Variants in QTMAN observed in about 807,000 individuals in gnomAD.
QTMAN encodes tRNA-queuosine alpha-mannosyltransferase.
At chr2:144,120,403 A>C in the QTMAN span, among the ~76,000 whole-genome samples, 1 of 152,208 alleles carries the variant, frequency 6.6e-6, no homozygotes, top group South Asian at 2.1e-4. Flanking sequence ...GGAAAGAACA[A>C]AAGATTTGGG....
the QTMAN span, among the ~76,000 whole-genome samples, chr2:143,988,780 G>T: frequency 1.3e-5 from 2 of 152,192 alleles, no homozygotes; most frequent in Non-Finnish European, 2.9e-5. Context: ...CACTGGGGAG[G>T]CCAACCTCCT....
chr2:144,101,476 T>C, the QTMAN span, among the ~76,000 whole-genome samples: 3 of 152,272 alleles, frequency 2.0e-5, no homozygotes, highest in Admixed American at 1.3e-4. Context: ...AATGATATGC[T>C]TACCCCACGC....
chr2:144,050,919 G>C, the QTMAN span, among the ~76,000 whole-genome samples: 1 of 152,136 alleles, frequency 6.6e-6, no homozygotes, highest in Non-Finnish European at 1.5e-5. Flanking sequence ...TTGATCTGTA[G>C]TTGGTTGAAT....
At chr2:143,950,251 T>C in the QTMAN span, among the ~76,000 whole-genome samples, 10 of 151,880 alleles carry the variant, frequency 6.6e-5, no homozygotes, top group South Asian at 4.1e-4. Context: ...ATTTAAGATA[T>C]AGGTTATCAT....
the QTMAN span, among the ~76,000 whole-genome samples, chr2:144,141,359 G>A: frequency 4.0e-5 from 6 of 151,352 alleles, no homozygotes; most frequent in African/African-American, 1.5e-4. Flanking sequence ...AAGAGAAATG[G>A]CAATTAGGTA....
the QTMAN span, among the ~76,000 whole-genome samples, chr2:144,141,441 TA>T: frequency 6.7e-6 from 1 of 149,616 alleles, no homozygotes; most frequent in African/African-American, 2.4e-5. Context: ...AAAGAAAAAA[TA>T]AAAGAAAATA....
the QTMAN span, among the ~76,000 whole-genome samples, chr2:144,224,828 A>G: frequency 6.6e-6 from 1 of 152,238 alleles, no homozygotes; most frequent in Non-Finnish European, 1.5e-5. Context: ...TAAAAATTAA[A>G]GTAACTGTTT....
the QTMAN span, among the ~76,000 whole-genome samples, chr2:144,274,752 T>C: frequency 2.6e-5 from 4 of 152,174 alleles, no homozygotes; most frequent in East Asian, 7.7e-4. Context: ...CCAGGAAACA[T>C]AAGTGTTTCC....
chr2:144,052,041 T>C, the QTMAN span, among the ~76,000 whole-genome samples: 1 of 152,244 alleles, frequency 6.6e-6, no homozygotes, highest in Non-Finnish European at 1.5e-5. Context: ...GTGTTCTTAC[T>C]GCCCCAAATG....
At chr2:144,112,285 A>G in the QTMAN span, among the ~76,000 whole-genome samples, 3 of 152,206 alleles carry the variant, frequency 2.0e-5, no homozygotes, top group African/African-American at 7.2e-5. Flanking sequence ...TTCTCCCACT[A>G]AGTAACAACG....
chr2:144,154,835 A>G, the QTMAN span, among the ~76,000 whole-genome samples: 1 of 152,230 alleles, frequency 6.6e-6, no homozygotes, highest in Non-Finnish European at 1.5e-5. Context: ...TCTGGATTTT[A>G]AAGTTCCATT....
At chr2:144,199,766 C>T in the QTMAN span, among the ~76,000 whole-genome samples, 1 of 152,210 alleles carries the variant, frequency 6.6e-6, no homozygotes, top group Non-Finnish European at 1.5e-5. Flanking sequence ...TTCCTTAAAT[C>T]TTGATCTTGA....
At chr2:144,071,853 C>T in the QTMAN span, among the ~76,000 whole-genome samples, 2 of 152,094 alleles carry the variant, frequency 1.3e-5, no homozygotes, top group African/African-American at 4.8e-5. Context: ...CTTTTTCAGA[C>T]ATATCACACT....
the QTMAN span, among the ~76,000 whole-genome samples, chr2:143,997,876 AC>A: frequency 1.1e-4 from 17 of 152,002 alleles, no homozygotes; most frequent in Non-Finnish European, 2.2e-4. Context: ...CCCAGTAATG[AC>A]CTAGTTCTCC....
At chr2:144,150,452 G>A in the QTMAN span, among the ~76,000 whole-genome samples, 3 of 152,098 alleles carry the variant, frequency 2.0e-5, no homozygotes, top group African/African-American at 7.2e-5. Flanking sequence ...TCGAGCACTT[G>A]AAATGTAGCT....
the QTMAN span, among the ~76,000 whole-genome samples, chr2:144,269,332 G>A: frequency 1.3e-5 from 2 of 152,184 alleles, no homozygotes; most frequent in African/African-American, 4.8e-5. Context: ...GTCCTAGGAT[G>A]TTGCTTGATG....
chr2:143,947,275 C>T, the QTMAN span: 1 of 648,900 alleles, frequency 1.5e-6, no homozygotes, highest in Non-Finnish European at 2.7e-6. Flanking sequence ...GTAAATGGTT[C>T]TTGAGTTTCA....
At chr2:144,237,055 C>G in the QTMAN span, among the ~76,000 whole-genome samples, 1 of 152,158 alleles carries the variant, frequency 6.6e-6, no homozygotes, top group African/African-American at 2.4e-5. Context: ...ACGCACTGCA[C>G]TCAGTGCTGA....
At chr2:144,144,017 T>G in the QTMAN span, among the ~76,000 whole-genome samples, 1 of 151,946 alleles carries the variant, frequency 6.6e-6, no homozygotes, top group Non-Finnish European at 1.5e-5. Context: ...TGTGAACCAT[T>G]TTTTCCCCAT....
Sources: allele counts gnomAD v4.1 joint callset (sites outside exome capture counted in the v4.1 genomes callset), GRCh38; gene constraint gnomAD v4.1.1; transcripts MANE v1.5; gene names NCBI Gene and HGNC (gene_info 2026-07-23, HGNC 2026-07-21).